ADGRA3: variants seen among roughly 807,000 people sequenced by gnomAD.
ADGRA3 encodes the protein adhesion G protein-coupled receptor A3, also known as G-protein coupled receptor 125.
Under a neutral mutation model 119.8 loss-of-function variants are expected in ADGRA3, and 56 were observed. The ratio of observed to expected loss-of-function variants is 0.47; its 90% CI spans 0.38 to 0.58. ADGRA3 has a LOEUF of 0.58. Among genes scored for constraint, ADGRA3 ranks in the 20% least tolerant of loss-of-function variants. The pLI is 0.00. For synonymous variants in ADGRA3, 607 were observed against 623.8 expected (o/e 0.97, Z 0.40); for missense variants, 1,516 against 1,649.0 (o/e 0.92, Z 1.40).
chr4:22,413,979 T>C (rs1715329984), intron 12 of ADGRA3, 165 bp from the exon 13 acceptor site: 3 of 543,684 alleles, frequency 5.5e-6, no homozygotes, highest in Non-Finnish European at 9.6e-6. Flanking sequence ...AAGCGAAATG[T>C]CAACACCACA....
Position 22,424,299 on chromosome 4 carries a change from A to G in ADGRA3, c.1497T>C (p.Arg499=). The change falls in exon 11 of 19, where the codon CGT becomes CGC. Residue 499 remains arginine (R), a synonymous_variant. Coordinates refer to ENST00000334304, the MANE Select transcript of ADGRA3 (RefSeq NM_145290.4). Reference sequence around the variant, plus strand: ...CTTCCCTCTGCGCCAGCCACAGGACACGTTCATCAGCCAACATGATGTTAC... The same window carrying G: ...CTTCCCTCTGCGCCAGCCACAGGACGCGTTCATCAGCCAACATGATGTTAC... ...IASNIMLADE[R]VLWLAQREAK... 1 of 1,613,934 alleles carries G rather than the reference A, an allele frequency of 6.2e-7. No homozygotes were observed. Among genetic ancestry groups the G allele is most frequent in the Admixed American group, 1.7e-5 (1 of 60,022 alleles).
intron 1 of ADGRA3, 183 bp downstream of exon 1, chr4:22,515,345 G>A: frequency 3.3e-6 from 2 of 612,174 alleles, no homozygotes; most frequent in Non-Finnish European, 4.8e-6. Flanking sequence ...CTCGGACGCA[G>A]ATTCCCTTGC....
intron 12 of ADGRA3, chr4:22,414,298 CATAAT>C (rs1715342552): frequency 3.8e-6 from 1 of 266,466 alleles, no homozygotes; most frequent in East Asian, 7.0e-5. Flanking sequence ...ATTATACAAA[CATAAT>C]AGAGGTTTAG....
At chr4:22,460,762 A>G (rs999000660) in intron 3 of ADGRA3, among the ~76,000 whole-genome samples, 3 of 152,230 alleles carry the variant, frequency 2.0e-5, no homozygotes, top group African/African-American at 7.2e-5. Context: ...CTGAGAAATT[A>G]GAAGGGTAGA....
intron 16 of ADGRA3, chr4:22,393,479 G>A (rs1439351293): frequency 2.0e-5 from 3 of 152,114 alleles, no homozygotes; most frequent in African/African-American, 4.8e-5. Context: ...CAATCACAAA[G>A]CAATATAATA....
At chr4:22,470,286 T>TA (rs1328148451) in intron 2 of ADGRA3, among the ~76,000 whole-genome samples, 1 of 131,760 alleles carries the variant, frequency 7.6e-6, no homozygotes, top group East Asian at 2.3e-4. Flanking sequence ...TACTTTGTCA[T>TA]AAAAAATAAA....
intron 14 of ADGRA3, among the ~76,000 whole-genome samples, chr4:22,405,334 G>T (rs7680424): frequency 0.67 from 102,259 of 151,854 alleles, 35,149 homozygotes; most frequent in Non-Finnish European, 0.75. Flanking sequence ...GAGGCCAGGA[G>T]CTTGAAACCA....
chr4:22,410,874 AAAAT>A (rs1715162813), intron 14 of ADGRA3, among the ~76,000 whole-genome samples: 1 of 152,178 alleles, frequency 6.6e-6, no homozygotes, highest in African/African-American at 2.4e-5. Context: ...AAAGTCTTTG[AAAAT>A]AAATAGAAAA....
At chr4:22,417,750 C>T (rs1715487493) in intron 12 of ADGRA3, among the ~76,000 whole-genome samples, 5 of 152,044 alleles carry the variant, frequency 3.3e-5, no homozygotes, top group Admixed American at 1.3e-4. Context: ...TTAATTCTGT[C>T]TGAAGAAGAG....
At position 22,422,697 on chromosome 4, in the gene ADGRA3, A is replaced by G. The variant is rs528175046; in HGVS notation, c.1605+1494T>C. ...TAGAGATGGTATGCAAATTCCTACT[A>G]TGACCTTTATTGTACCCTTGGGTTG... On this transcript the variant is annotated intron_variant, in intron 11 of 18. Transcript: ENST00000334304. Among the ~76,000 whole-genome samples, 202 of 152,278 alleles carry G rather than the reference A, an allele frequency of 1.3e-3. 1 individual carries two copies. Among genetic ancestry groups the G allele is most frequent in the African/African-American group, 4.7e-3 (194 of 41,572 alleles).
At chr4:22,461,611 C>G in intron 3 of ADGRA3, 126 bp downstream of exon 3, 1 of 627,718 alleles carries the variant, frequency 1.6e-6, no homozygotes, top group Non-Finnish European at 2.8e-6. Flanking sequence ...CTTTCTGTAT[C>G]AGGGACCTGG....
At chr4:22,470,881 T>A (rs769244906) in intron 2 of ADGRA3, among the ~76,000 whole-genome samples, 7 of 152,158 alleles carry the variant, frequency 4.6e-5, no homozygotes, top group Non-Finnish European at 1.0e-4. Flanking sequence ...CTGGGGACTC[T>A]GAGGCCAGTG....
intron 3 of ADGRA3, among the ~76,000 whole-genome samples, chr4:22,458,576 G>C (rs16872676): frequency 0.82 from 124,551 of 152,142 alleles, 51,174 homozygotes; most frequent in Non-Finnish European, 0.85. Flanking sequence ...TGGGCTCACA[G>C]GATGAACTTC....
chr4:22,436,331 A>G (rs1246867633), intron 9 of ADGRA3, 109 bp downstream of exon 9: 3 of 796,010 alleles, frequency 3.8e-6, no homozygotes, highest in Non-Finnish European at 6.0e-6. Context: ...TAAAAACACA[A>G]AATCCTTATG....
Position 22,515,396 on chromosome 4 carries a change from T to C in ADGRA3, c.257+132A>G. 6.0e-6 allele frequency: 7 copies of C among 1,161,930 alleles called. No individual in the cohort carries two copies. In the South Asian group the frequency reaches 1.3e-4, roughly 22 times the overall value. 72.0% of individuals were successfully genotyped at this position (1,161,930 alleles called of 1,614,324 possible). On this transcript the variant is annotated intron_variant, in intron 1 of 18. Transcript: ENST00000334304. Reference sequence around the variant, plus strand: ...ACCCATGCCAAGCACACGAGGTCTTTCCTAGCACCGCCCCCTGCCTACAGC... The same window carrying C: ...ACCCATGCCAAGCACACGAGGTCTTCCCTAGCACCGCCCCCTGCCTACAGC...
In ADGRA3 at chr4:22,427,755, C is replaced by T. The variant is rs530539880; in HGVS notation, c.1444-3403G>A. ...AAAAAAGTATTCCTGAAATTTGACA[C>T]ACAAAGCTCATTTAAAAACTGCAAC... On this transcript the variant is annotated intron_variant, in intron 10 of 18. Transcript: ENST00000334304. Among the ~76,000 whole-genome samples the T allele has an allele frequency of 2.6e-5, 4 of 152,254 alleles. No individual in the cohort carries two copies. The East Asian group carries it at 7.7e-4, about 29-fold the overall frequency.
At position 22,402,658 on chromosome 4, in the gene ADGRA3, C is replaced by G; in HGVS notation, c.2357+17G>C. ...ATCAAAGTCCGCAGATCTATTTTGT[C>G]GAGATGTATTTCTTACCTGTGATGG... On this transcript the variant is annotated intron_variant, in intron 15 of 18. Transcript: ENST00000334304. 2 of 1,605,218 alleles carry G rather than the reference C, an allele frequency of 1.2e-6. No homozygotes were observed. The highest frequency in any genetic ancestry group is 8.5e-7 in the Non-Finnish European group (1 of 1,177,280).
chr4:22,423,024 C>T (rs959485608), intron 11 of ADGRA3, among the ~76,000 whole-genome samples: 2 of 151,852 alleles, frequency 1.3e-5, no homozygotes, highest in African/African-American at 4.8e-5. Flanking sequence ...AATGTAACCC[C>T]GTCTCTACTA....
chr4:22,402,640 T>C (rs747666917), intron 15 of ADGRA3, 35 bp downstream of exon 15: 1 of 1,592,964 alleles, frequency 6.3e-7, no homozygotes, highest in Non-Finnish European at 8.5e-7. Flanking sequence ...CAAATCAAAG[T>C]CCGCAGATCT....
Sources: allele counts gnomAD v4.1 joint callset (sites outside exome capture counted in the v4.1 genomes callset), GRCh38; gene constraint gnomAD v4.1.1; transcripts MANE v1.5; gene names NCBI Gene and HGNC (gene_info 2026-07-23, HGNC 2026-07-21).